Variants in ALG9 observed in about 807,000 individuals in gnomAD.
The protein encoded by ALG9 is ALG9 alpha-1,2-mannosyltransferase.
Under a neutral mutation model 81.8 loss-of-function variants are expected in ALG9, and 55 were observed. The ratio of observed to expected loss-of-function variants is 0.67; its 90% CI spans 0.54 to 0.84. ALG9 has a LOEUF of 0.84. Among genes scored for constraint, ALG9 ranks in the 40% least tolerant of loss-of-function variants. ALG9 has a pLI of 0.00. For missense variants in ALG9, 629 were observed against 745.0 expected (o/e 0.84, Z 1.81); for synonymous variants, 278 against 274.3 (o/e 1.01, Z -0.13).
Position 111,818,781 on chromosome 11 carries a change from T to C in ALG9, c.1603-9008A>G, listed in dbSNP as rs549160542. On this transcript the variant is annotated intron_variant, in intron 13 of 14. Transcript: ENST00000616540. Reference sequence around the variant, plus strand: ...CAAAAACCTAGCACAGTACAAAACATACAGTAGGTCCTAAGTAAATGTCTA... The same window carrying C: ...CAAAAACCTAGCACAGTACAAAACACACAGTAGGTCCTAAGTAAATGTCTA... 1.7e-4 allele frequency among the ~76,000 whole-genome samples: 26 copies of C among 152,020 alleles called. 2 individuals carry two copies. The South Asian group carries it at 5.4e-3, about 32-fold the overall frequency.
intron 8 of ALG9, among the ~76,000 whole-genome samples, chr11:111,850,325 G>C (rs1316823546): frequency 6.6e-6 from 1 of 152,072 alleles, no homozygotes; most frequent in Non-Finnish European, 1.5e-5. Flanking sequence ...TGTAAGTCTG[G>C]AATATACAAG....
chr11:111,821,225 T>C (rs1555103372), intron 13 of ALG9, among the ~76,000 whole-genome samples: 1 of 152,206 alleles, frequency 6.6e-6, no homozygotes, highest in Non-Finnish European at 1.5e-5. Flanking sequence ...CAAGATCAAG[T>C]GGGCTTTTCC....
intron 9 of ALG9, among the ~76,000 whole-genome samples, chr11:111,841,296 G>C (rs1268692866): frequency 5.9e-5 from 9 of 152,136 alleles, no homozygotes; most frequent in Admixed American, 3.3e-4. Context: ...AAACAAAATT[G>C]TTGGATTCTC....
At position 111,871,579 on chromosome 11, in the gene ALG9, GA is replaced by G. The variant is rs1964299764; in HGVS notation, c.-98del. ...AAACGGTGTCCGCCGAGGGACAAAA[GA>G]CCTTGACATGCGCAGAAAATACTAA... On this transcript the variant is annotated 5_prime_UTR_variant, in exon 1 of 15. Coordinates refer to ENST00000616540, the MANE Select transcript of ALG9 (RefSeq NM_024740.2). The G allele has an allele frequency of 1.3e-6, 2 of 1,531,302 alleles. No individual in the cohort carries two copies. Among genetic ancestry groups the G allele is most frequent in the Admixed American group, 2.0e-5 (1 of 50,828 alleles). The allele number at this position is 1,531,302 out of a possible 1,614,324, so 94.9% of individuals were successfully genotyped here.
At chr11:111,836,017 G>T in intron 13 of ALG9, 148 bp downstream of exon 13, 1 of 1,003,674 alleles carries the variant, frequency 1.0e-6, no homozygotes. Flanking sequence ...CCAAAGTGCT[G>T]GGATTACAGG....
intron 10 of ALG9, 152 bp downstream of exon 10, chr11:111,840,503 T>A: frequency 2.3e-6 from 2 of 877,958 alleles, no homozygotes; most frequent in Non-Finnish European, 3.6e-6. Context: ...GCAATCAATA[T>A]AAGAAGGTTT....
chr11:111,800,736 T>C (rs1948999661), intron 14 of ALG9, among the ~76,000 whole-genome samples: 1 of 152,178 alleles, frequency 6.6e-6, no homozygotes, highest in African/African-American at 2.4e-5. Context: ...CTCACCATTG[T>C]ATCGTAAGGT....
chr11:111,774,591 A>ATCCAT, the ALG9 span, among the ~76,000 whole-genome samples: 1 of 152,186 alleles, frequency 6.6e-6, no homozygotes, highest in Non-Finnish European at 1.5e-5. Flanking sequence ...TGTGCAGCAT[A>ATCCAT]TCCATTTGTA....
chr11:111,773,889 G>A, the ALG9 span, among the ~76,000 whole-genome samples: 9 of 150,578 alleles, frequency 6.0e-5, no homozygotes, highest in Non-Finnish European at 1.2e-4. Context: ...CAAGTAGTTG[G>A]GATGACAAGT....
intron 13 of ALG9, among the ~76,000 whole-genome samples, chr11:111,821,792 C>T (rs1163462160): frequency 1.3e-5 from 2 of 152,058 alleles, no homozygotes; most frequent in African/African-American, 4.8e-5. Flanking sequence ...CCTGTCACCA[C>T]GCCCAGCTAA....
At chr11:111,775,480 T>C in the ALG9 span, among the ~76,000 whole-genome samples, 1 of 152,316 alleles carries the variant, frequency 6.6e-6, no homozygotes, top group Middle Eastern at 3.4e-3. Flanking sequence ...TAAAATTAGC[T>C]GGAGGCCCCC....
chr11:111,836,370 G>A (rs1189425995), intron 12 of ALG9, 76 bp from the exon 13 acceptor site: 2 of 1,572,506 alleles, frequency 1.3e-6, no homozygotes, highest in African/African-American at 2.7e-5. Context: ...AAACAAGCCA[G>A]GAAAATCATG....
downstream of ALG9, among the ~76,000 whole-genome samples, chr11:111,781,091 ATAAAT>A (rs533866767): frequency 6.6e-5 from 10 of 152,362 alleles, no homozygotes; most frequent in African/African-American, 1.9e-4. Context: ...ACAAGGGAAA[ATAAAT>A]TAAAGTTGTG....
chr11:111,783,869 C>G lies in ALG9; in HGVS notation c.*2528G>C, dbSNP rs1430800850. 4.6e-5 allele frequency: 7 copies of G among 151,262 alleles called. No individual in the cohort carries two copies. Among genetic ancestry groups the G allele is most frequent in the African/African-American group, 1.7e-4 (7 of 41,162 alleles). The allele number at this position is 151,262 out of a possible 1,614,324, so 9.4% of individuals were successfully genotyped here. On this transcript the variant is annotated 3_prime_UTR_variant, in exon 15 of 15. Coordinates refer to ENST00000616540, the MANE Select transcript of ALG9 (RefSeq NM_024740.2). ...AGGAACTGATATTTCCAAGGAATCC[C>G]TGCATCAGTCCTGGCCTTTCTTTGC...
intron 14 of ALG9, among the ~76,000 whole-genome samples, chr11:111,788,879 A>C (rs1464779563): frequency 6.6e-6 from 1 of 152,240 alleles, no homozygotes; most frequent in Non-Finnish European, 1.5e-5. Flanking sequence ...AAAACTAACA[A>C]GTGTAATTTC....
chr11:111,866,720 C>G (rs533378523), intron 3 of ALG9, among the ~76,000 whole-genome samples: 36 of 151,322 alleles, frequency 2.4e-4, no homozygotes, highest in Non-Finnish European at 4.7e-4. Flanking sequence ...GAAATAAAAA[C>G]CCTCTGCATA....
intron 14 of ALG9, among the ~76,000 whole-genome samples, chr11:111,801,736 C>G (rs1949150720): frequency 6.6e-6 from 1 of 152,166 alleles, no homozygotes; most frequent in Admixed American, 6.5e-5. Context: ...TCCTTCTCAA[C>G]AGGTGGTTGT....
chr11:111,866,515 T>C (rs1962521137), intron 3 of ALG9, among the ~76,000 whole-genome samples: 1 of 152,056 alleles, frequency 6.6e-6, no homozygotes, highest in African/African-American at 2.4e-5. Context: ...ATGCTGGGGC[T>C]AAGACTCTCT....
intron 3 of ALG9, among the ~76,000 whole-genome samples, chr11:111,865,757 T>C (rs2137228556): frequency 6.6e-6 from 1 of 152,302 alleles, no homozygotes; most frequent in South Asian, 2.1e-4. Flanking sequence ...ACTATATGCA[T>C]GTGGAAAGAC....
Sources: gnomAD v4.1 joint callset for allele counts (sites outside exome capture counted in the v4.1 genomes callset) on GRCh38, gnomAD v4.1.1 for gene constraint, MANE v1.5 for transcripts, NCBI Gene and HGNC (gene_info 2026-07-23, HGNC 2026-07-21) for gene names.